ELP4: variants seen among roughly 807,000 people sequenced by gnomAD.
The protein encoded by ELP4 is elongator complex protein 4.
Under a neutral mutation model 48.9 loss-of-function variants are expected in ELP4, and 51 were observed. That is an observed-to-expected ratio of 1.04 (90% CI 0.83 to 1.32). The LOEUF (loss-of-function observed/expected upper bound fraction) is 1.32, where lower values mean the gene tolerates loss of function less well. Among genes scored for constraint, ELP4 ranks in the 40% most tolerant of loss-of-function variants. The pLI is 0.00. For synonymous variants in ELP4, 210 were observed against 189.2 expected (o/e 1.11, Z -0.90); for missense variants, 519 against 514.6 (o/e 1.01, Z -0.08).
At chr11:31,708,504 T>G (rs1946679318) in intron 9 of ELP4, among the ~76,000 whole-genome samples, 1 of 152,174 alleles carries the variant, frequency 6.6e-6, no homozygotes, top group African/African-American at 2.4e-5. Flanking sequence ...GGACCTTTTT[T>G]TTAAAGGATC....
At chr11:31,765,565 A>G (rs1948025039) in intron 9 of ELP4, among the ~76,000 whole-genome samples, 1 of 152,188 alleles carries the variant, frequency 6.6e-6, no homozygotes, top group African/African-American at 2.4e-5. Flanking sequence ...TATTATAAGT[A>G]GCATCTTTAT....
At chr11:31,553,725 A>ACACAC (rs1362894921) in intron 3 of ELP4, among the ~76,000 whole-genome samples, 60 of 140,490 alleles carry the variant, frequency 4.3e-4, no homozygotes, top group Middle Eastern at 3.5e-3. Context: ...TGCACACACA[A>ACACAC]ACACACACAC....
intron 9 of ELP4, among the ~76,000 whole-genome samples, chr11:31,670,870 G>A (rs1233729017): frequency 6.6e-6 from 1 of 151,168 alleles, no homozygotes; most frequent in Non-Finnish European, 1.5e-5. Flanking sequence ...CAAGAAATAG[G>A]AATTATAGTT....
intron 9 of ELP4, among the ~76,000 whole-genome samples, chr11:31,760,173 C>A (rs1176170643): frequency 6.6e-6 from 1 of 152,200 alleles, no homozygotes; most frequent in Non-Finnish European, 1.5e-5. Context: ...ATACCAACTT[C>A]TCCTCCAGTG....
At chr11:31,577,535 G>T (rs950972584) in intron 3 of ELP4, among the ~76,000 whole-genome samples, 3 of 151,876 alleles carry the variant, frequency 2.0e-5, no homozygotes, top group Admixed American at 1.3e-4. Context: ...CATCTATGCA[G>T]AAATCCTCAA....
At chr11:31,738,743 A>T (rs1292407970) in intron 9 of ELP4, among the ~76,000 whole-genome samples, 1 of 152,120 alleles carries the variant, frequency 6.6e-6, no homozygotes. Flanking sequence ...CTTGTCTCAA[A>T]AAAAAAAAGA....
At chr11:31,666,901 T>C (rs1945692920) in intron 9 of ELP4, among the ~76,000 whole-genome samples, 1 of 152,240 alleles carries the variant, frequency 6.6e-6, no homozygotes, top group Non-Finnish European at 1.5e-5. Flanking sequence ...TTAAAAGACT[T>C]ACTAATGCCC....
chr11:31,525,092 C>T (rs1956277473), intron 2 of ELP4, among the ~76,000 whole-genome samples: 1 of 152,196 alleles, frequency 6.6e-6, no homozygotes, highest in African/African-American at 2.4e-5. Context: ...TTCATGTGCA[C>T]ATTGTCTACA....
At chr11:31,768,221 C>G (rs1298757793) in intron 9 of ELP4, among the ~76,000 whole-genome samples, 1 of 152,008 alleles carries the variant, frequency 6.6e-6, no homozygotes, top group Non-Finnish European at 1.5e-5. Flanking sequence ...ATGCTATATA[C>G]TTACACTTAA....
chr11:31,628,935 T>C (rs971275560), intron 6 of ELP4, among the ~76,000 whole-genome samples: 2 of 152,080 alleles, frequency 1.3e-5, no homozygotes, highest in African/African-American at 4.8e-5. Context: ...AAAATAATGT[T>C]CTGACATTGA....
chr11:31,563,982 C>A (rs1162212887), intron 3 of ELP4, among the ~76,000 whole-genome samples: 2 of 152,096 alleles, frequency 1.3e-5, no homozygotes, highest in African/African-American at 2.4e-5. Flanking sequence ...TTATGCCTAG[C>A]ATTTTCTTGA....
At chr11:31,761,036 A>C (rs1405804418) in intron 9 of ELP4, among the ~76,000 whole-genome samples, 1 of 152,108 alleles carries the variant, frequency 6.6e-6, no homozygotes, top group African/African-American at 2.4e-5. Context: ...TCTATAGTTA[A>C]GTTAGGTATC....
At chr11:31,628,862 G>A (rs568958262) in intron 6 of ELP4, among the ~76,000 whole-genome samples, 1 of 152,112 alleles carries the variant, frequency 6.6e-6, no homozygotes, top group South Asian at 2.1e-4. Flanking sequence ...CTTCAGATGA[G>A]TTCTAGAAGC....
At chr11:31,740,663 A>G (rs1947423679) in intron 9 of ELP4, among the ~76,000 whole-genome samples, 1 of 152,252 alleles carries the variant, frequency 6.6e-6, no homozygotes, top group Non-Finnish European at 1.5e-5. Flanking sequence ...ATTTTCAGCA[A>G]CTTCAGTAGT....
intron 3 of ELP4, among the ~76,000 whole-genome samples, chr11:31,546,500 C>G (rs1412694899): frequency 1.3e-5 from 2 of 152,088 alleles, no homozygotes; most frequent in Non-Finnish European, 2.9e-5. Flanking sequence ...CCTTAGTGAC[C>G]TACAAAGAGA....
At chr11:31,710,778 G>A (rs550597952) in intron 9 of ELP4, among the ~76,000 whole-genome samples, 113 of 152,174 alleles carry the variant, frequency 7.4e-4, no homozygotes, top group African/African-American at 2.4e-3. Context: ...CACAGAGAGC[G>A]ACATAATCAG....
intron 3 of ELP4, among the ~76,000 whole-genome samples, chr11:31,560,534 C>T (rs1249832754): frequency 6.6e-6 from 1 of 151,104 alleles, no homozygotes; most frequent in Non-Finnish European, 1.5e-5. Flanking sequence ...TAATATATAC[C>T]CCTATACAGT....
At chr11:31,673,055 C>A (rs1435848801) in intron 9 of ELP4, among the ~76,000 whole-genome samples, 1 of 151,936 alleles carries the variant, frequency 6.6e-6, no homozygotes, top group African/African-American at 2.4e-5. Context: ...CTCCCTCTGT[C>A]ACCCAGGCTG....
intron 7 of ELP4, among the ~76,000 whole-genome samples, chr11:31,641,659 G>A (rs1165955246): frequency 6.6e-6 from 1 of 151,826 alleles, no homozygotes. Flanking sequence ...TGAGGACCTT[G>A]CCAGCAGAGG....
Sources: gnomAD v4.1 joint callset for allele counts (sites outside exome capture counted in the v4.1 genomes callset) on GRCh38, gnomAD v4.1.1 for gene constraint, MANE v1.5 for transcripts, NCBI Gene and HGNC (gene_info 2026-07-23, HGNC 2026-07-21) for gene names.